Variants in LMF2 observed in about 807,000 individuals in gnomAD.
LMF2 encodes transmembrane protein 112B.
In LMF2, 113 loss-of-function variants were observed where a neutral mutation model predicts 81.5. The ratio of observed to expected loss-of-function variants is 1.39; its 90% confidence interval spans 1.19 to 1.62. The LOEUF (loss-of-function observed/expected upper bound fraction) is 1.62, where lower values mean the gene tolerates loss of function less well. LMF2 is among the 40% of genes most tolerant of loss of function. The pLI is 0.00. For synonymous variants in LMF2, 645 were observed against 424.5 expected (o/e 1.52, Z -6.39); for missense variants, 1,235 against 929.1 (o/e 1.33, Z -4.28).
chr22:50,505,525 G>T lies in LMF2; in HGVS notation c.929C>A (p.Ala310Asp). ...RKKTATSWPK[A>D]LLATLSLLLE... Reference sequence around the variant, plus strand: ...CAGCAGCGACAGGGTGGCCAGCAGGGCCTTGGGCCAGGCTGTGGGGCAGGA... The same window carrying T: ...CAGCAGCGACAGGGTGGCCAGCAGGTCCTTGGGCCAGGCTGTGGGGCAGGA... Residue 310 changes from alanine to aspartate, a missense_variant, in exon 7 of 14, where the codon GCC becomes GAC. Physicochemically the swap from Ala to Asp is moderately radical, Grantham distance 126. Coordinates refer to ENST00000474879, the MANE Select transcript of LMF2 (RefSeq NM_033200.3). 1.2e-6 allele frequency: 2 copies of T among 1,612,594 alleles called. No homozygotes were observed. The highest frequency in any genetic ancestry group is 1.7e-6 in the Non-Finnish European group (2 of 1,180,010).
At chr22:50,506,578 C>T (rs1021918944) in intron 3 of LMF2, 60 bp downstream of exon 3, 23 of 1,594,914 alleles carry the variant, frequency 1.4e-5, no homozygotes, top group Non-Finnish European at 1.9e-5. Context: ...CCAGGAAGGG[C>T]AGAGCCCTCC....
In LMF2 at chr22:50,506,089, C is replaced by T. The variant is rs147072080; in HGVS notation, c.720G>A (p.Pro240=). The T allele has an allele frequency of 0.014, 22,536 of 1,590,368 alleles. 212 individuals are homozygous for T. Among genetic ancestry groups the T allele is most frequent in the Non-Finnish European group, 0.017 (19,951 of 1,168,746 alleles). Reference sequence around the variant, plus strand: ...GTCGAATGGGGGCGAAGAACAGGGGCGGCACAGCGATCTCAATTAGGAAGG... The same window carrying T: ...GTCGAATGGGGGCGAAGAACAGGGGTGGCACAGCGATCTCAATTAGGAAGG... The part of the protein sequence containing the change: ...VATFLIEIAV[P]PLFFAPIRRL... The change falls in exon 5 of 14, where the codon CCG becomes CCA. Residue 240 remains proline (P), a synonymous_variant. Transcript: ENST00000474879.
chr22:50,504,930 G>GCCCC lies in LMF2; in HGVS notation c.1308_1309insGGGG (p.His437GlyfsTer31), dbSNP rs1569518270. 6.2e-7 allele frequency: 1 copy of GCCCC among 1,607,656 alleles called. No individual in the cohort carries two copies. Among genetic ancestry groups the GCCCC allele is most frequent in the Admixed American group, 1.7e-5 (1 of 59,416 alleles). On this transcript the variant is annotated frameshift_variant, in exon 10 of 14. Transcript: ENST00000474879. LOFTEE classifies it high-confidence loss of function. ...TGCTCCACGGCACCAAACAGGCGGT[G>GCCCC]GGCCCCGGTCCAGAGGCGCCCGTGG...
In LMF2 at chr22:50,505,771, G is replaced by A. The variant is rs61744504; in HGVS notation, c.819C>T (p.Phe273=). ...TAAGCACCAGCGTCATCAGGTTGAA[G>A]AAGTTGTAGTTGCCGGTGATGATAA... The part of the protein sequence containing the change: ...VLIIITGNYN[F]FNLMTLVLTT... The change falls in exon 6 of 14, where the codon TTC becomes TTT. Residue 273 remains phenylalanine (F), a synonymous_variant. Coordinates refer to ENST00000474879, the MANE Select transcript of LMF2 (RefSeq NM_033200.3). The A allele has an allele frequency of 1.5e-3, 2,383 of 1,613,284 alleles. 27 individuals carry two copies. In the African/African-American group the frequency reaches 0.023, roughly 16 times the overall value.
rs370147015 is a variant in LMF2 at position 50,503,683 on chromosome 22, C to T, written c.1832G>A (p.Arg611His). 9 of 1,104,936 alleles carry T rather than the reference C, an allele frequency of 8.1e-6. No individual in the cohort carries two copies. Among genetic ancestry groups the T allele is most frequent in the East Asian group, 5.2e-5 (1 of 19,290 alleles). 68.4% of individuals were successfully genotyped at this position (1,104,936 alleles called of 1,614,324 possible). Residue 611 changes from arginine to histidine, a missense_variant, in exon 14 of 14, where the codon CGC becomes CAC. Transcript: ENST00000474879. Reference sequence around the variant, plus strand: ...CAGGGTGCTGTTGGCGCTGCGGGTGCGAGGTGGGCTTTTCTCCTGTGGGAG... The same window carrying T: ...CAGGGTGCTGTTGGCGCTGCGGGTGTGAGGTGGGCTTTTCTCCTGTGGGAG... ...QFGLQEKSPP[R>H]TRSANSTLAQ... is the part of the protein sequence containing the mutation.
rs1603439160 is a variant in LMF2 at position 50,504,424 on chromosome 22, G to A, written c.1634C>T (p.Ala545Val). 1.2e-6 allele frequency: 2 copies of A among 1,612,104 alleles called. No individual in the cohort carries two copies. The highest frequency in any genetic ancestry group is 1.1e-5 in the South Asian group (1 of 91,074). ...PVIRLVQSQV[A>V]RYPFHKQPPT... Reference sequence around the variant, plus strand: ...CGGCTGCTTGTGGAAGGGATACCTGGCCACTTGGCTCTGGACAAGGCGGAT... The same window carrying A: ...CGGCTGCTTGTGGAAGGGATACCTGACCACTTGGCTCTGGACAAGGCGGAT... Residue 545 changes from alanine to valine, a missense_variant, in exon 12 of 14, where the codon GCC (alanine) becomes GTC (valine). Physicochemically the swap from Ala to Val is moderately conservative, Grantham distance 64. Coordinates refer to ENST00000474879, the MANE Select transcript of LMF2 (RefSeq NM_033200.3).
Position 50,504,470 on chromosome 22 carries a change from G to C in LMF2, c.1607-19C>G, listed in dbSNP as rs781319396. The C allele has an allele frequency of 1.2e-6, 2 of 1,605,872 alleles. No homozygotes were observed. The highest frequency in any genetic ancestry group is 1.1e-5 in the South Asian group (1 of 90,734). On this transcript the variant is annotated intron_variant, in intron 11 of 13. Transcript: ENST00000474879. Reference sequence around the variant, plus strand: ...CGGATCACTGCAGCGAGAGGCATCAGCGTGGCCCCCACAGTACCCGCCCTG... The same window carrying C: ...CGGATCACTGCAGCGAGAGGCATCACCGTGGCCCCCACAGTACCCGCCCTG...
In LMF2 at chr22:50,504,330, C is replaced by T; in HGVS notation, c.1718+10G>A. 1.2e-6 allele frequency: 2 copies of T among 1,605,158 alleles called. No individual in the cohort carries two copies. The highest frequency in any genetic ancestry group is 1.7e-6 in the Non-Finnish European group (2 of 1,175,404). ...CCGGGCTCCACACCCCACCCGGTGC[C>T]CAGCCTTACCCCTGCTCCCCAGGCT... On this transcript the variant is annotated intron_variant, in intron 12 of 13. Coordinates refer to ENST00000474879, the MANE Select transcript of LMF2 (RefSeq NM_033200.3).
Position 50,505,248 on chromosome 22 carries a change from G to A in LMF2, c.1138C>T (p.Leu380=). 6.2e-7 allele frequency: 1 copy of A among 1,613,154 alleles called. No individual in the cohort carries two copies. The highest frequency in any genetic ancestry group is 8.5e-7 in the Non-Finnish European group (1 of 1,180,000). ...WLGVASLVWE[L]LSALWRWTQV... is the part of the protein sequence containing the mutation. ...ATGTACCTCCACAGGGCACTCAGCA[G>A]CTCCCAGACCAGGGAGGCCACACCC... The change falls in exon 8 of 14, where the codon CTG becomes TTG. Residue 380 remains leucine, a synonymous_variant. Coordinates refer to ENST00000474879, the MANE Select transcript of LMF2 (RefSeq NM_033200.3).
At position 50,503,621 on chromosome 22, in the gene LMF2, G is replaced by A. The variant is rs1036244501; in HGVS notation, c.1894C>T (p.Pro632Ser). 7.6e-6 allele frequency: 12 copies of A among 1,574,074 alleles called. No homozygotes were observed. The highest frequency in any genetic ancestry group is 2.7e-5 in the African/African-American group (2 of 73,874). ...CAGAGCAGGGCGGGGGCCTCCAGGG[G>A]AGACAGCTGAGAGCGAGTCCAGTGG... ...ALHWTRSQLS[P>S]LEAPALLWGL... is the part of the protein sequence containing the mutation. Residue 632 changes from proline (P) to serine (S), a missense_variant, in exon 14 of 14, where the codon CCC becomes TCC. Coordinates refer to ENST00000474879, the MANE Select transcript of LMF2 (RefSeq NM_033200.3).
intron 5 of LMF2, 39 bp downstream of exon 5, chr22:50,505,996 C>T (rs572698642): frequency 1.3e-6 from 2 of 1,566,228 alleles, no homozygotes; most frequent in African/African-American, 2.7e-5. Context: ...AAGGCCGAGC[C>T]CTGTCTGCCT....
chr22:50,505,074 A>C lies in LMF2; in HGVS notation c.1237T>G (p.Leu413Val). ...LSLVGTATVA[L>V]FLISLVPYSY... ...CTACCCACCAGGCTAATCAGGAACA[A>C]GGCCACGGTCGCAGTGCCCACAAGG... The change falls in exon 9 of 14, where the codon TTG becomes GTG. Residue 413 changes from leucine (L) to valine (V), a missense_variant. Leu to Val is a conservative substitution (Grantham distance 32). Coordinates refer to ENST00000474879, the MANE Select transcript of LMF2 (RefSeq NM_033200.3). 3.1e-6 allele frequency: 5 copies of C among 1,612,962 alleles called. No individual in the cohort carries two copies. Among genetic ancestry groups the C allele is most frequent in the Non-Finnish European group, 4.2e-6 (5 of 1,179,994 alleles).
Position 50,505,431 on chromosome 22 carries a change from CCAGT to C in LMF2, c.1019_1022del (p.Asp340GlyfsTer21). 1 of 1,613,084 alleles carries C rather than the reference CCAGT, an allele frequency of 6.2e-7. No homozygotes were observed. The highest frequency in any genetic ancestry group is 1.3e-5 in the African/African-American group (1 of 75,072). The stretch of plus-strand genomic sequence containing the variant: ...TTCTGGAGTGGATGGTGCGCTGCTG[CCAGT>C]CAACCTCCAGGCCAAAGTAGTGCAC... On this transcript the variant is annotated frameshift_variant, in exon 7 of 14. Coordinates refer to ENST00000474879, the MANE Select transcript of LMF2 (RefSeq NM_033200.3). LOFTEE classifies it high-confidence loss of function.
At position 50,505,337 on chromosome 22, in the gene LMF2, G is replaced by T. The variant is rs9628196; in HGVS notation, c.1052-3C>A. 6.2e-7 allele frequency: 1 copy of T among 1,613,264 alleles called. No homozygotes were observed. Among genetic ancestry groups the T allele is most frequent in the Non-Finnish European group, 8.5e-7 (1 of 1,180,020 alleles). On this transcript the variant is annotated splice_region_variant and splice_polypyrimidine_tract_variant and intron_variant, in intron 7 of 13. Coordinates refer to ENST00000474879, the MANE Select transcript of LMF2 (RefSeq NM_033200.3). The stretch of plus-strand genomic sequence containing the variant: ...AGAAAACTGGTGGAAGGTGAAAGCT[G>T]GTGGAGGAGGGGGGTGTGAGGACTG...
chr22:50,503,347 C>T lies in LMF2; in HGVS notation c.*44G>A. 1.2e-6 allele frequency: 2 copies of T among 1,600,270 alleles called. No individual in the cohort carries two copies. Among genetic ancestry groups the T allele is most frequent in the Non-Finnish European group, 1.7e-6 (2 of 1,173,952 alleles). On this transcript the variant is annotated 3_prime_UTR_variant, in exon 14 of 14. Coordinates refer to ENST00000474879, the MANE Select transcript of LMF2 (RefSeq NM_033200.3). ...TGTCCTGCCGGAGGCCAGAGCACTCCCGGCGACCTGGCCCTCTCAGGACGT... is the reference window on the plus strand; with the variant it reads ...TGTCCTGCCGGAGGCCAGAGCACTCTCGGCGACCTGGCCCTCTCAGGACGT...
Position 50,504,551 on chromosome 22 carries a change from C to T in LMF2, c.1606+8G>A, listed in dbSNP as rs2068503346. Reference sequence around the variant, plus strand: ...GCCCACTCCACACCCCCCAAGCCCGCTCCGCACCTGGCTCCTTGCCCTGCA... The same window carrying T: ...GCCCACTCCACACCCCCCAAGCCCGTTCCGCACCTGGCTCCTTGCCCTGCA... On this transcript the variant is annotated splice_region_variant and intron_variant, in intron 11 of 13. Transcript: ENST00000474879. 12 of 1,576,998 alleles carry T rather than the reference C, an allele frequency of 7.6e-6. No individual in the cohort carries two copies. The East Asian group carries it at 2.7e-4, about 36-fold the overall frequency.
chr22:50,507,123 A>G, intron 1 of LMF2, 88 bp from the exon 2 acceptor site: 1 of 1,493,270 alleles, frequency 6.7e-7, no homozygotes, highest in Non-Finnish European at 8.9e-7. Context: ...CCCCCAGCCT[A>G]GGTCAGAGCA....
chr22:50,504,343 T>G lies in LMF2; in HGVS notation c.1715A>C (p.Gln572Pro), dbSNP rs2068493506. The change falls in exon 12 of 14, where the codon CAG (glutamine) becomes CCG (proline). Residue 572 changes from glutamine (Q) to proline (P), a missense_variant. Physicochemically the swap from Gln to Pro is moderately conservative, Grantham distance 76. Transcript: ENST00000474879. Reference sequence around the variant, plus strand: ...CCCACCCGGTGCCCAGCCTTACCCCTGCTCCCCAGGCTGGGAGAACCAGTA... The same window carrying G: ...CCCACCCGGTGCCCAGCCTTACCCCGGCTCCCCAGGCTGGGAGAACCAGTA... ...YKYWFSQPGE[Q>P]GQWWRRQWVE... 2 of 1,608,190 alleles carry G rather than the reference T, an allele frequency of 1.2e-6. No homozygotes were observed. The highest frequency in any genetic ancestry group is 1.7e-6 in the Non-Finnish European group (2 of 1,177,716).
Position 50,505,953 on chromosome 22 carries a change from G to C in LMF2, c.774+82C>G. On this transcript the variant is annotated intron_variant, in intron 5 of 13. Transcript: ENST00000474879. ...GTTGCCAGCTGTCCCCGGGAGCCAC[G>C]CTGTCCCCAACAGGGCACGCTGAGC... 3 of 1,558,968 alleles carry C rather than the reference G, an allele frequency of 1.9e-6. No individual in the cohort carries two copies. The East Asian group carries it at 6.9e-5, about 36-fold the overall frequency.
Sources: allele counts gnomAD v4.1 joint callset, GRCh38; gene constraint gnomAD v4.1.1; transcripts MANE v1.5; gene names NCBI Gene and HGNC (gene_info 2026-07-23, HGNC 2026-07-21).